The following KCNQ2 variants were observed in gnomAD, a reference collection of about 807,000 sequenced individuals.
KCNQ2 encodes the protein potassium voltage-gated channel subfamily KQT member 2.
In KCNQ2, 14 loss-of-function variants were observed where a neutral mutation model predicts 84.8. The observed-to-expected ratio is 0.17, with a 90% CI of 0.11 to 0.26. The LOEUF (loss-of-function observed/expected upper bound fraction) is 0.26, where lower values mean the gene tolerates loss of function less well. Ranked by LOEUF, KCNQ2 falls within the 10% of genes least tolerant of loss-of-function variation. KCNQ2 has a pLI of 1.00. For missense variants in KCNQ2, 788 were observed against 1,254.0 expected (o/e 0.63, Z 5.61); for synonymous variants, 599 against 554.1 (o/e 1.08, Z -1.14).
Position 63,419,721 on chromosome 20 carries a change from C to T in KCNQ2, c.1248-49G>A, listed in dbSNP as rs182721264. 1.1e-5 allele frequency: 17 copies of T among 1,535,406 alleles called. No individual in the cohort carries two copies. In the East Asian group the frequency reaches 1.6e-4, roughly 14 times the overall value. ...AGTCCTGGGCGCCGGCAACAGCACA[C>T]GGCCGGGAGCAGGGAAACTGAGGCA... On this transcript the variant is annotated intron_variant, in intron 11 of 16. Coordinates refer to ENST00000359125, the MANE Select transcript of KCNQ2 (RefSeq NM_172107.4).
At position 63,400,963 on chromosome 20, in the gene KCNQ2, T is replaced by C. The variant is rs1425402506; in HGVS notation, c.*5681A>G. 1 of 397,748 alleles carries C rather than the reference T, an allele frequency of 2.5e-6. No individual in the cohort carries two copies. Among genetic ancestry groups the C allele is most frequent in the East Asian group, 3.6e-5 (1 of 28,070 alleles). 24.6% of individuals were successfully genotyped at this position (397,748 alleles called of 1,614,324 possible). On this transcript the variant is annotated 3_prime_UTR_variant, in exon 17 of 17. Coordinates refer to ENST00000359125, the MANE Select transcript of KCNQ2 (RefSeq NM_172107.4). The surrounding 1 kb of genome is among the most constrained non-coding windows in gnomAD (Gnocchi z 8.7). The stretch of plus-strand genomic sequence containing the variant: ...TCCACATGCATTAAGGCAACGACTT[T>C]GTAAAACCCAGGCGGAGTTGGCGTG...
rs757608181 is a variant in KCNQ2, at chr20:63,413,580, C to T, written c.1633G>A (p.Val545Ile). Residue 545 changes from valine (V) to isoleucine (I), a missense_variant and splice_region_variant, in exon 15 of 17, where the codon GTC (valine) becomes ATC (isoleucine). Around this residue, in one of 8 missense-constraint regions of KCNQ2, gnomAD observed 15 missense variants for 69.1 expected, o/e 0.22. Transcript: ENST00000359125. ...GLKVSIRAVC[V>I]MRFLVSKRKF... Reference sequence around the variant, plus strand: ...CGCTTGGACACCAGGAACCGCATGACACTGCAGGGGGGTGGGTGGGGCTGT... The same window carrying T: ...CGCTTGGACACCAGGAACCGCATGATACTGCAGGGGGGTGGGTGGGGCTGT... The T allele has an allele frequency of 1.2e-6, 2 of 1,611,378 alleles. No homozygotes were observed. The highest frequency in any genetic ancestry group is 1.7e-6 in the Non-Finnish European group (2 of 1,178,750).
intron 12 of KCNQ2, 114 bp from the exon 13 acceptor site, chr20:63,415,240 A>G: frequency 1.0e-6 from 1 of 971,652 alleles, no homozygotes; most frequent in Non-Finnish European, 1.6e-6. Flanking sequence ...GGAGGGAGAC[A>G]CAGGTCTGAA....
At chr20:63,433,656 C>T in intron 8 of KCNQ2, 153 bp downstream of exon 8, 3 of 1,451,432 alleles carry the variant, frequency 2.1e-6, no homozygotes, top group Non-Finnish European at 1.9e-6. Context: ...AGCAACGCCT[C>T]GAAATAAACC....
chr20:63,431,475 C>A (rs1327501521), intron 8 of KCNQ2, 106 bp from the exon 9 acceptor site: 3 of 1,289,276 alleles, frequency 2.3e-6, no homozygotes, highest in African/African-American at 1.5e-5. Context: ...GTAGGGGAAA[C>A]AACAGAACAA....
chr20:63,470,339 T>A (rs1005498685), intron 1 of KCNQ2, among the ~76,000 whole-genome samples: 2 of 152,206 alleles, frequency 1.3e-5, no homozygotes, highest in African/African-American at 4.8e-5. Flanking sequence ...GGGTCTCGCC[T>A]GAAGCCCCCG....
At position 63,472,478 on chromosome 20, in the gene KCNQ2, G is replaced by C. The variant is rs796052611; in HGVS notation, c.-15C>G. 2 of 1,491,368 alleles carry C rather than the reference G, an allele frequency of 1.3e-6. No individual in the cohort carries two copies. The highest frequency in any genetic ancestry group is 1.8e-6 in the Non-Finnish European group (2 of 1,126,722). 92.4% of individuals were successfully genotyped at this position (1,491,368 alleles called of 1,614,324 possible). On this transcript the variant is annotated 5_prime_UTR_variant, in exon 1 of 17. Coordinates refer to ENST00000359125, the MANE Select transcript of KCNQ2 (RefSeq NM_172107.4). ...TTCTGCACCATGGTGCCTGGCGGGA[G>C]GCGCCCCGGGTCGGGCTCAGGCTCA...
chr20:63,464,564 C>T (rs2082036255), intron 1 of KCNQ2, among the ~76,000 whole-genome samples: 1 of 152,036 alleles, frequency 6.6e-6, no homozygotes, highest in South Asian at 2.1e-4. Flanking sequence ...AAGCTCCCAC[C>T]GGGGCCGCCT....
chr20:63,414,692 C>T lies in KCNQ2; in HGVS notation c.1525+211G>A, dbSNP rs533017662. Among the ~76,000 whole-genome samples the T allele has an allele frequency of 3.3e-5, 5 of 151,660 alleles. No individual in the cohort carries two copies. The highest frequency in any genetic ancestry group is 1.2e-4 in the African/African-American group (5 of 41,362). On this transcript the variant is annotated intron_variant, in intron 13 of 16. Transcript: ENST00000359125. The surrounding 1 kb of genome is among the most constrained non-coding windows in gnomAD (Gnocchi z 6.6). The stretch of plus-strand genomic sequence containing the variant: ...GGCTGAGGTGGTGGTGACAACTCCA[C>T]CGTGAGCGTGCTACATGCCACTGAA...
At chr20:63,435,619 T>C (rs2080970984) in intron 7 of KCNQ2, among the ~76,000 whole-genome samples, 1 of 152,206 alleles carries the variant, frequency 6.6e-6, no homozygotes, top group Admixed American at 6.5e-5. Context: ...GGCTCACGCC[T>C]GCATGGCTGA....
chr20:63,443,258 G>A (rs111212484), intron 4 of KCNQ2, among the ~76,000 whole-genome samples: 72,082 of 82,942 alleles, frequency 0.87, 30,668 homozygotes, highest in East Asian at 0.98. Context: ...CATCACCATC[G>A]CCACCATCAT....
chr20:63,429,208 ACCCATGC>A (rs1403409115), intron 9 of KCNQ2, among the ~76,000 whole-genome samples: 3 of 103,896 alleles, frequency 2.9e-5, no homozygotes, highest in Non-Finnish European at 5.9e-5. Context: ...CCTCCTCACC[ACCCATGC>A]CCTCACAGCA....
At chr20:63,445,011 G>C (rs990164448) in intron 3 of KCNQ2, among the ~76,000 whole-genome samples, 177 bp from the exon 4 acceptor site, 4 of 152,228 alleles carry the variant, frequency 2.6e-5, no homozygotes, top group African/African-American at 9.6e-5. Context: ...CACCCTGCCT[G>C]TGGGGCCCAG....
chr20:63,442,736 T>C (rs200312378), intron 4 of KCNQ2, among the ~76,000 whole-genome samples: 1 of 36,222 alleles, frequency 2.8e-5, no homozygotes, highest in Non-Finnish European at 5.2e-5. Flanking sequence ...CATCACCACC[T>C]CCACCATCAC....
rs752129037 is a variant in KCNQ2 at position 63,426,079 on chromosome 20, C to T, written c.1218-1873G>A. ...GTTCCCCGTTTCCTAAAGGGCAGCT[C>T]GTGTTCACAGCTGAGGAGCGCCACC... is the stretch of plus-strand genomic sequence containing the variant. On this transcript the variant is annotated intron_variant, in intron 10 of 16. Coordinates refer to ENST00000359125, the MANE Select transcript of KCNQ2 (RefSeq NM_172107.4). Among the ~76,000 whole-genome samples, 81 of 152,346 alleles carry T rather than the reference C, an allele frequency of 5.3e-4. 1 individual carries two copies. The highest frequency in any genetic ancestry group is 2.0e-3 in the Admixed American group (30 of 15,306).
intron 15 of KCNQ2, among the ~76,000 whole-genome samples, chr20:63,412,797 A>G (rs1042196786): frequency 6.6e-6 from 1 of 152,186 alleles, no homozygotes; most frequent in African/African-American, 2.4e-5. Flanking sequence ...CATGTCCCCT[A>G]CTGCAGGAGA....
At position 63,419,726 on chromosome 20, in the gene KCNQ2, G is replaced by A. The variant is rs1042804744; in HGVS notation, c.1248-54C>T. On this transcript the variant is annotated intron_variant, in intron 11 of 16. Coordinates refer to ENST00000359125, the MANE Select transcript of KCNQ2 (RefSeq NM_172107.4). Reference sequence around the variant, plus strand: ...TGGGCGCCGGCAACAGCACACGGCCGGGAGCAGGGAAACTGAGGCACTGCA... The same window carrying A: ...TGGGCGCCGGCAACAGCACACGGCCAGGAGCAGGGAAACTGAGGCACTGCA... 1.1e-4 allele frequency: 162 copies of A among 1,515,740 alleles called. 1 individual carries two copies. The highest frequency in any genetic ancestry group is 3.3e-4 in the Admixed American group (18 of 53,794). The allele number at this position is 1,515,740 out of a possible 1,614,324, so 93.9% of individuals were successfully genotyped here.
chr20:63,444,883 C>G, intron 3 of KCNQ2, 49 bp from the exon 4 acceptor site: 3 of 1,525,200 alleles, frequency 2.0e-6, no homozygotes, highest in Non-Finnish European at 2.7e-6. Context: ...CTCCCCGCAC[C>G]CCCTTGGAGA....
At chr20:63,467,072 G>A (rs1231395109) in intron 1 of KCNQ2, among the ~76,000 whole-genome samples, 6 of 152,084 alleles carry the variant, frequency 3.9e-5, no homozygotes, top group Non-Finnish European at 8.8e-5. Flanking sequence ...CTCCCAAAAC[G>A]GGCACATTGC....
Sources: gnomAD v4.1 joint callset for allele counts (sites outside exome capture counted in the v4.1 genomes callset) on GRCh38, gnomAD v4.1.1 for gene constraint, gnomAD v4.1.1 regional missense constraint, Gnocchi (gnomAD v3.1) non-coding constraint, MANE v1.5 for transcripts, NCBI Gene and HGNC (gene_info 2026-07-23, HGNC 2026-07-21) for gene names.